Variants in LARGE1 observed in about 807,000 individuals in gnomAD.
LARGE1 encodes the protein xylosyl- and glucuronyltransferase LARGE1.
Under a neutral mutation model 87.6 loss-of-function variants are expected in LARGE1, and 43 were observed. The observed-to-expected ratio is 0.49, with a 90% CI of 0.38 to 0.63. The LOEUF is 0.63. Among genes scored for constraint, LARGE1 ranks in the 30% least tolerant of loss-of-function variants. LARGE1 has a pLI of 0.00. For synonymous variants in LARGE1, 434 were observed against 394.6 expected (o/e 1.10, Z -1.18); for missense variants, 802 against 1,000.2 (o/e 0.80, Z 2.67).
chr22:33,164,113 A>C (rs1922138697), exon 12 of LARGE1: 1 of 152,166 alleles, frequency 6.6e-6, no homozygotes, highest in South Asian at 2.1e-4. Flanking sequence ...ACTCAAACTT[A>C]TTTCTTGGGA....
intron 9 of LARGE1, among the ~76,000 whole-genome samples, chr22:33,369,449 A>G (rs936429027): frequency 6.9e-6 from 1 of 145,832 alleles, no homozygotes; most frequent in Non-Finnish European, 1.5e-5. Context: ...TCTTTTTTCT[A>G]TTTTCTTGGT....
intron 3 of LARGE1, 84 bp from the exon 4 acceptor site, chr22:33,626,410 A>C: frequency 9.7e-7 from 1 of 1,033,160 alleles, no homozygotes; most frequent in Non-Finnish European, 1.5e-6. Context: ...AGAAAGAAAA[A>C]TTGCCCTGAT....
Position 33,274,597 on chromosome 22 carries a change from C to T in LARGE1, c.2101G>A (p.Ala701Thr), listed in dbSNP as rs1390648712. ...GCATGAGGCATGTGGATCATGTAGGCGTTGGGCAGCACAATGAACTCATAC... is the reference window on the plus strand; with the variant it reads ...GCATGAGGCATGTGGATCATGTAGGTGTTGGGCAGCACAATGAACTCATAC... ...QEYEFIVLPN[A>T]YMIHMPHAPS... The change falls in exon 15 of 15, where the codon GCC becomes ACC. Residue 701 changes from alanine (A) to threonine (T), a missense_variant. By Grantham distance (58) the Ala-to-Thr change is moderately conservative (BLOSUM62 0). Around this residue, in one of 2 missense-constraint regions of LARGE1, gnomAD observed 625 missense variants for 841.9 expected, o/e 0.74. Coordinates refer to ENST00000397394, the MANE Select transcript of LARGE1 (RefSeq NM_133642.5). 1.9e-6 allele frequency: 3 copies of T among 1,614,044 alleles called. No individual in the cohort carries two copies. Among genetic ancestry groups the T allele is most frequent in the South Asian group, 2.2e-5 (2 of 91,064 alleles).
At chr22:33,269,763 T>C (rs1928145276), downstream of LARGE1, among the ~76,000 whole-genome samples, 1 of 152,088 alleles carries the variant, frequency 6.6e-6, no homozygotes, top group Admixed American at 6.5e-5. Context: ...CCCAGCACTT[T>C]GGGAGGCCGA....
intron 2 of LARGE1, among the ~76,000 whole-genome samples, chr22:33,761,022 T>C (rs981735353): frequency 1.3e-5 from 2 of 152,100 alleles, no homozygotes; most frequent in African/African-American, 4.8e-5. Flanking sequence ...AATAAATGAA[T>C]GAAAAGATGG....
intron 11 of LARGE1, among the ~76,000 whole-genome samples, chr22:33,260,479 C>A (rs868558386): frequency 6.6e-6 from 1 of 152,186 alleles, no homozygotes; most frequent in Non-Finnish European, 1.5e-5. Flanking sequence ...CCTTTCCAAC[C>A]GCTGGGCTGT....
intron 9 of LARGE1, among the ~76,000 whole-genome samples, chr22:33,357,847 A>C (rs1033277974): frequency 6.6e-6 from 1 of 152,224 alleles, no homozygotes; most frequent in African/African-American, 2.4e-5. Flanking sequence ...ACAATGTCTC[A>C]AAGCCTTGTA....
intron 9 of LARGE1, among the ~76,000 whole-genome samples, chr22:33,363,274 C>T (rs537165782): frequency 1.3e-5 from 2 of 149,926 alleles, no homozygotes; most frequent in Admixed American, 6.6e-5. Flanking sequence ...TAAAGACATA[C>T]CCAAGACTGG....
At chr22:33,651,408 AAAG>A (rs1421212847) in intron 2 of LARGE1, among the ~76,000 whole-genome samples, 1 of 150,124 alleles carries the variant, frequency 6.7e-6, no homozygotes, top group Non-Finnish European at 1.5e-5. Flanking sequence ...AAAAAAAAAA[AAAG>A]AAAAAAGATA....
intron 11 of LARGE1, among the ~76,000 whole-genome samples, chr22:33,211,197 G>C (rs1387395657): frequency 6.6e-6 from 1 of 152,142 alleles, no homozygotes; most frequent in Non-Finnish European, 1.5e-5. Flanking sequence ...ATCTATAAAT[G>C]TTCTGACTGG....
At chr22:33,634,167 C>T (rs2080194077) in intron 3 of LARGE1, among the ~76,000 whole-genome samples, 1 of 152,204 alleles carries the variant, frequency 6.6e-6, no homozygotes, top group South Asian at 2.1e-4. Flanking sequence ...TTGACTTCAT[C>T]CTCTGTATAA....
rs555657682 is a variant in LARGE1, at chr22:33,221,321, A to G, written c.1731-54489T>C. On this transcript the variant is annotated intron_variant, in intron 11 of 11. Transcript: ENST00000608642. ...AATGCCTGTGCCGGTTTTTTTCCGT[A>G]TCTCAATTCTCTCTCTCCTGCCAAT... Among the ~76,000 whole-genome samples the G allele has an allele frequency of 3.9e-5, 6 of 152,216 alleles. No homozygotes were observed. The South Asian group carries it at 8.3e-4, about 21-fold the overall frequency.
chr22:33,358,167 C>T (rs1941074271), intron 9 of LARGE1, among the ~76,000 whole-genome samples: 1 of 152,174 alleles, frequency 6.6e-6, no homozygotes, highest in Non-Finnish European at 1.5e-5. Flanking sequence ...ACAAAGAGAT[C>T]ATAAAACACT....
intron 11 of LARGE1, among the ~76,000 whole-genome samples, chr22:33,226,553 T>C (rs1432798670): frequency 6.6e-6 from 1 of 152,166 alleles, no homozygotes. Flanking sequence ...GCCTCACTTA[T>C]CTACCCAGAC....
the LARGE1 span, among the ~76,000 whole-genome samples, chr22:33,097,248 A>G: frequency 6.6e-6 from 1 of 152,228 alleles, no homozygotes; most frequent in Non-Finnish European, 1.5e-5. Flanking sequence ...AAGAAACAAT[A>G]GCAAAAGAAA....
At chr22:33,165,556 G>T (rs987099222) in exon 12 of LARGE1, 4 of 152,104 alleles carry the variant, frequency 2.6e-5, no homozygotes, top group Admixed American at 6.6e-5. Context: ...TTACTAATAT[G>T]CAGGTTTAGA....
chr22:33,667,115 C>T (rs73882291), intron 2 of LARGE1, among the ~76,000 whole-genome samples: 5 of 152,324 alleles, frequency 3.3e-5, no homozygotes, highest in Non-Finnish European at 5.9e-5. Flanking sequence ...TTACTCAGCC[C>T]GGTGCATGCA....
chr22:33,627,304 G>T (rs189348948), intron 3 of LARGE1, among the ~76,000 whole-genome samples: 8 of 152,290 alleles, frequency 5.3e-5, no homozygotes, highest in African/African-American at 1.9e-4. Context: ...GGGCATCCCC[G>T]ACGGGACATC....
At chr22:33,141,156 A>G in the LARGE1 span, among the ~76,000 whole-genome samples, 9 of 147,896 alleles carry the variant, frequency 6.1e-5, no homozygotes, top group South Asian at 1.1e-3. Context: ...AAAGGGGTCA[A>G]GTTATTCTCA....
Sources: gnomAD v4.1 joint callset for allele counts (sites outside exome capture counted in the v4.1 genomes callset) on GRCh38, gnomAD v4.1.1 for gene constraint, gnomAD v4.1.1 regional missense constraint, MANE v1.5 for transcripts, NCBI Gene and HGNC (gene_info 2026-07-23, HGNC 2026-07-21) for gene names.